Variants in TFPI observed in about 807,000 individuals in gnomAD.
TFPI encodes tissue factor pathway inhibitor.
In TFPI, 15 loss-of-function variants were observed where a neutral mutation model predicts 34.6. That is an observed-to-expected ratio of 0.43 (90% CI 0.29 to 0.67). The LOEUF is 0.67. TFPI is among the 30% of genes least tolerant of loss of function. The probability of loss-of-function intolerance (pLI) is 0.15; values close to 1 mark genes in which losing one functional copy is unlikely to be tolerated. For synonymous variants in TFPI, 105 were observed against 120.1 expected (o/e 0.87, Z 0.82); for missense variants, 301 against 364.0 (o/e 0.83, Z 1.41).
At chr2:187,470,647 CA>C (rs1348699758) in intron 6 of TFPI, among the ~76,000 whole-genome samples, 1 of 152,144 alleles carries the variant, frequency 6.6e-6, no homozygotes, top group African/African-American at 2.4e-5. Context: ...TGCCATTTAC[CA>C]AATCCTTTCA....
chr2:187,492,048 G>T (rs1018990149), intron 3 of TFPI, among the ~76,000 whole-genome samples: 1 of 151,908 alleles, frequency 6.6e-6, no homozygotes, highest in African/African-American at 2.4e-5. Flanking sequence ...TAAATGGTTT[G>T]TTATTTTCTT....
In TFPI at chr2:187,482,904, T is replaced by C. The variant is rs540315409; in HGVS notation, c.628+1220A>G. 4.3e-4 allele frequency among the ~76,000 whole-genome samples: 66 copies of C among 152,016 alleles called. 1 individual carries two copies. The highest frequency in any genetic ancestry group is 1.6e-3 in the African/African-American group (65 of 41,516). On this transcript the variant is annotated intron_variant, in intron 6 of 7. Transcript: ENST00000233156. ...TAGTGTTTCAGTTATTAAAAGCACA[T>C]ATTATGCTCCCTCGTAGATCTCATG...
chr2:187,523,018 T>C (rs1246760748), intron 1 of TFPI, among the ~76,000 whole-genome samples: 5 of 152,046 alleles, frequency 3.3e-5, no homozygotes, highest in Non-Finnish European at 7.3e-5. Flanking sequence ...TATTTGCATA[T>C]GTACAAACTC....
At chr2:187,485,045 T>C in intron 4 of TFPI, 58 bp from the exon 5 acceptor site, 1 of 1,242,820 alleles carries the variant, frequency 8.0e-7, no homozygotes, top group South Asian at 2.3e-5. Context: ...AATTACTGAT[T>C]TTAATAAAAT....
intron 6 of TFPI, among the ~76,000 whole-genome samples, chr2:187,479,593 T>C (rs1435761797): frequency 1.6e-5 from 2 of 128,520 alleles, no homozygotes; most frequent in Non-Finnish European, 3.4e-5. Flanking sequence ...ATATATATGA[T>C]TTAAAAATAC....
chr2:187,549,340 G>A (rs890534463), intron 1 of TFPI, among the ~76,000 whole-genome samples: 5 of 152,044 alleles, frequency 3.3e-5, no homozygotes, highest in African/African-American at 1.2e-4. Flanking sequence ...AAGAAGCAGG[G>A]GAGGAAGGAC....
chr2:187,500,190 C>A (rs1559122380), intron 2 of TFPI, among the ~76,000 whole-genome samples: 1 of 152,122 alleles, frequency 6.6e-6, no homozygotes, highest in African/African-American at 2.4e-5. Context: ...GTAGTTGTAC[C>A]TAGCAACAAT....
intron 4 of TFPI, among the ~76,000 whole-genome samples, chr2:187,486,952 T>C (rs1693315325): frequency 6.6e-6 from 1 of 151,644 alleles, no homozygotes; most frequent in South Asian, 2.1e-4. Flanking sequence ...ATTGATCAAG[T>C]CTTTGTTACA....
chr2:187,499,625 G>A (rs542543893), intron 2 of TFPI: 4 of 152,022 alleles, frequency 2.6e-5, no homozygotes, highest in African/African-American at 7.2e-5. Flanking sequence ...ATCAAATTAC[G>A]TATCGTGAGT....
At position 187,508,627 on chromosome 2, in the gene TFPI, T is replaced by G. The variant is rs977492851; in HGVS notation, c.-2-4857A>C. 3.0e-4 allele frequency among the ~76,000 whole-genome samples: 46 copies of G among 152,060 alleles called. 1 individual carries two copies. Among genetic ancestry groups the G allele is most frequent in the African/African-American group, 1.1e-3 (44 of 41,434 alleles). On this transcript the variant is annotated intron_variant, in intron 1 of 7. Coordinates refer to ENST00000233156, the MANE Select transcript of TFPI (RefSeq NM_006287.6). ...TCTCTGTTTGTCTGTTATTGGTGTATAGGAATGCTTGTGATTTTTGTATCC... is the reference window on the plus strand; with the variant it reads ...TCTCTGTTTGTCTGTTATTGGTGTAGAGGAATGCTTGTGATTTTTGTATCC...
At position 187,473,754 on chromosome 2, in the gene TFPI, A is replaced by G. The variant is rs1692194028; in HGVS notation, c.629-5822T>C. Among the ~76,000 whole-genome samples, 3 of 151,680 alleles carry G rather than the reference A, an allele frequency of 2.0e-5. No individual in the cohort carries two copies. In the South Asian group the frequency reaches 6.2e-4, roughly 32 times the overall value. The stretch of plus-strand genomic sequence containing the variant: ...AAATTGGTGGAAAGTGATATTCTAT[A>G]AAGAAAAAAAAAACGGGGAAGGGAA... On this transcript the variant is annotated intron_variant, in intron 6 of 7. Transcript: ENST00000233156.
At chr2:187,546,697 A>G (rs1282145857) in intron 1 of TFPI, 1 of 152,102 alleles carries the variant, frequency 6.6e-6, no homozygotes, top group East Asian at 1.9e-4. Flanking sequence ...ACTTTTGGCT[A>G]TTTTACCTGC....
chr2:187,505,910 G>T (rs1048781745), intron 1 of TFPI, among the ~76,000 whole-genome samples: 1 of 151,352 alleles, frequency 6.6e-6, no homozygotes, highest in Non-Finnish European at 1.5e-5. Context: ...GAAGGGAAGG[G>T]TGTTAGACAG....
chr2:187,540,442 ATCCTTGG>A (rs1308120904), intron 1 of TFPI, among the ~76,000 whole-genome samples: 2 of 152,206 alleles, frequency 1.3e-5, no homozygotes, highest in African/African-American at 4.8e-5. Flanking sequence ...TTGAAGATAG[ATCCTTGG>A]TAAAGTGAAA....
chr2:187,534,360 C>T lies in TFPI; in HGVS notation c.-3+19840G>A, dbSNP rs574736047. On this transcript the variant is annotated intron_variant, in intron 1 of 7. Coordinates refer to ENST00000233156, the MANE Select transcript of TFPI (RefSeq NM_006287.6). ...CATAAAGGGAAGCCCATCAGATTAACAGTGGATCTCTCTGCAGAAACTTTA... is the reference window on the plus strand; with the variant it reads ...CATAAAGGGAAGCCCATCAGATTAATAGTGGATCTCTCTGCAGAAACTTTA... Among the ~76,000 whole-genome samples the T allele has an allele frequency of 2.6e-5, 4 of 152,338 alleles. No homozygotes were observed. The East Asian group carries it at 7.7e-4, about 29-fold the overall frequency.
chr2:187,522,221 T>C (rs1424191941), intron 1 of TFPI, among the ~76,000 whole-genome samples: 1 of 152,164 alleles, frequency 6.6e-6, no homozygotes, highest in African/African-American at 2.4e-5. Flanking sequence ...TTTGATGTAA[T>C]CTTGTCTATT....
chr2:187,488,936 TC>T (rs1693498513), intron 3 of TFPI, among the ~76,000 whole-genome samples: 4 of 151,230 alleles, frequency 2.6e-5, no homozygotes, highest in African/African-American at 9.7e-5. Flanking sequence ...ATCATTTCCC[TC>T]TAAAACTGGA....
intron 2 of TFPI, among the ~76,000 whole-genome samples, chr2:187,500,524 A>AT (rs1160641557): frequency 1.3e-5 from 2 of 151,844 alleles, no homozygotes; most frequent in African/African-American, 2.4e-5. Context: ...AATCAACAAC[A>AT]TTTTTTTTCA....
intron 4 of TFPI, 103 bp from the exon 5 acceptor site, chr2:187,485,090 G>A (rs979499054): frequency 3.6e-5 from 31 of 856,624 alleles, no homozygotes; most frequent in Non-Finnish European, 4.8e-5. Context: ...GAAGGAGTAA[G>A]CATAAAAATT....
Sources: gnomAD v4.1 joint callset for allele counts (sites outside exome capture counted in the v4.1 genomes callset) on GRCh38, gnomAD v4.1.1 for gene constraint, MANE v1.5 for transcripts, NCBI Gene and HGNC (gene_info 2026-07-23, HGNC 2026-07-21) for gene names.